Variants in PIGN observed in about 807,000 individuals in gnomAD.
PIGN encodes the protein phosphatidylinositol glycan anchor biosynthesis class N.
Under a neutral mutation model 125.4 loss-of-function variants are expected in PIGN, and 117 were observed. That is an observed-to-expected ratio of 0.93 (90% CI 0.80 to 1.09). The LOEUF (loss-of-function observed/expected upper bound fraction) is 1.09, where lower values mean the gene tolerates loss of function less well. PIGN is among the 50% of genes least tolerant of loss of function. The pLI is 0.00. For synonymous variants in PIGN, 392 were observed against 377.8 expected, an observed-to-expected ratio of 1.04 and a Z score of -0.44; for missense variants, 1,075 against 1,094.9, an observed-to-expected ratio of 0.98 and a Z score of 0.26.
In PIGN at chr18:62,120,242, A is replaced by G. The variant is rs186718014; in HGVS notation, c.1173-5603T>C. Among the ~76,000 whole-genome samples, 240 of 152,334 alleles carry G rather than the reference A, an allele frequency of 1.6e-3. 1 individual carries two copies. Among genetic ancestry groups the G allele is most frequent in the African/African-American group, 5.4e-3 (224 of 41,576 alleles). On this transcript the variant is annotated intron_variant, in intron 14 of 30. Transcript: ENST00000640252. Reference sequence around the variant, plus strand: ...GGGGAAGGGGACAAATTGCCTTCAAACAAATGACATTAAAACAGTTGGTCA... The same window carrying G: ...GGGGAAGGGGACAAATTGCCTTCAAGCAAATGACATTAAAACAGTTGGTCA...
chr18:62,070,774 T>C (rs2032798001), intron 30 of PIGN, among the ~76,000 whole-genome samples: 1 of 152,170 alleles, frequency 6.6e-6, no homozygotes, highest in Non-Finnish European at 1.5e-5. Context: ...TGACTTTTTG[T>C]TCAGATTATA....
intron 17 of PIGN, 56 bp downstream of exon 17, chr18:62,109,776 AAT>A: frequency 6.8e-7 from 1 of 1,465,200 alleles, no homozygotes; most frequent in Non-Finnish European, 9.3e-7. Flanking sequence ...CTGCATTTTA[AAT>A]ACAGATTTAA....
In PIGN at chr18:62,143,311, T is replaced by G; in HGVS notation, c.958A>C (p.Asn320His). Residue 320 changes from asparagine (N) to histidine (H), a missense_variant, in exon 11 of 31, where the codon AAT becomes CAT. Asn to His is a moderately conservative substitution (Grantham distance 68). Around this residue, in one of 3 missense-constraint regions of PIGN, gnomAD observed 915 missense variants for 908.7 expected, o/e 1.01. Coordinates refer to ENST00000640252, the MANE Select transcript of PIGN (RefSeq NM_176787.5). The stretch of plus-strand genomic sequence containing the variant: ...AATAAAATCGAACTGGATACCTGAT[T>G]GACATCTAGCCTCTTCCAATTCTCC... ...RLENWKRLDV[N>H]QADIAPLMTS... is the part of the protein sequence containing the mutation. The G allele has an allele frequency of 6.6e-7, 1 of 1,509,464 alleles. No homozygotes were observed. Among genetic ancestry groups the G allele is most frequent in the Non-Finnish European group, 9.1e-7 (1 of 1,098,446 alleles). 93.5% of individuals were successfully genotyped at this position (1,509,464 alleles called of 1,614,324 possible). A position where few individuals can be genotyped will look rare whatever the true frequency, so the allele number is the denominator to read the frequency against.
At chr18:62,152,305 T>A (rs2036566533) in intron 7 of PIGN, among the ~76,000 whole-genome samples, 1 of 151,958 alleles carries the variant, frequency 6.6e-6, no homozygotes, top group African/African-American at 2.4e-5. Flanking sequence ...TTTTTTTAAT[T>A]TTATTATTAT....
At chr18:62,148,613 T>A (rs1214419545) in intron 7 of PIGN, among the ~76,000 whole-genome samples, 2 of 152,150 alleles carry the variant, frequency 1.3e-5, no homozygotes, top group South Asian at 4.1e-4. Context: ...ATGTTGTTAA[T>A]CCCACATCTA....
chr18:62,152,076 T>C (rs1179965965), intron 7 of PIGN, among the ~76,000 whole-genome samples: 1 of 152,090 alleles, frequency 6.6e-6, no homozygotes, highest in African/African-American at 2.4e-5. Context: ...AAGGAATACA[T>C]TGGTTTGGTC....
intron 30 of PIGN, among the ~76,000 whole-genome samples, chr18:62,053,438 C>T (rs2031476244): frequency 6.6e-6 from 1 of 151,996 alleles, no homozygotes; most frequent in Non-Finnish European, 1.5e-5. Flanking sequence ...AGACTTAAGC[C>T]CTAACATATC....
intron 30 of PIGN, among the ~76,000 whole-genome samples, chr18:62,053,420 A>G (rs73964838): frequency 6.6e-6 from 1 of 152,364 alleles, no homozygotes; most frequent in African/African-American, 2.4e-5. Flanking sequence ...ACAAAAAAAT[A>G]AAATGGCAGA....
At chr18:62,066,824 A>G (rs527719615) in intron 30 of PIGN, among the ~76,000 whole-genome samples, 37 of 152,302 alleles carry the variant, frequency 2.4e-4, no homozygotes, top group African/African-American at 8.7e-4. Flanking sequence ...TTAACTAGGG[A>G]CATTCACTCC....
At chr18:62,185,233 C>T (rs546996272) in intron 1 of PIGN, among the ~76,000 whole-genome samples, 4 of 152,256 alleles carry the variant, frequency 2.6e-5, no homozygotes, top group Non-Finnish European at 5.9e-5. Flanking sequence ...AACTAAAATA[C>T]GGATCAGCAA....
At chr18:62,064,905 T>C (rs951238552) in intron 30 of PIGN, among the ~76,000 whole-genome samples, 9 of 124,822 alleles carry the variant, frequency 7.2e-5, no homozygotes, top group African/African-American at 2.5e-4. Context: ...TTAAAACAGC[T>C]GAACTTGACA....
Position 62,045,998 on chromosome 18 carries a change from A to T in PIGN, c.2673-19T>A. The T allele has an allele frequency of 6.2e-7, 1 of 1,608,508 alleles. No individual in the cohort carries two copies. The highest frequency in any genetic ancestry group is 1.1e-5 in the South Asian group (1 of 89,902). On this transcript the variant is annotated intron_variant, in intron 30 of 30. Coordinates refer to ENST00000640252, the MANE Select transcript of PIGN (RefSeq NM_176787.5). ...GCTGATGCTGCAAAAGGAGAAAAAG[A>T]TGTTACAGGCAGAGAGAACACAGGT... is the stretch of plus-strand genomic sequence containing the variant.
chr18:62,186,472 T>C (rs952015534), intron 1 of PIGN, among the ~76,000 whole-genome samples: 1 of 152,216 alleles, frequency 6.6e-6, no homozygotes, highest in Non-Finnish European at 1.5e-5. Flanking sequence ...TAAGCGTTTA[T>C]TGAGTACCTA....
intron 16 of PIGN, among the ~76,000 whole-genome samples, chr18:62,110,889 T>C (rs865796591): frequency 2.1e-3 from 310 of 146,640 alleles, no homozygotes; most frequent in Middle Eastern, 0.014. Flanking sequence ...GTATATATAT[T>C]ATATATATAT....
At chr18:62,036,358 G>C (rs2030261018), downstream of PIGN, among the ~76,000 whole-genome samples, 1 of 151,832 alleles carries the variant, frequency 6.6e-6, no homozygotes, top group Admixed American at 6.6e-5. Flanking sequence ...TCTTGCCTCA[G>C]CCTCCTGAGT....
chr18:62,178,146 C>A (rs2037591111), intron 1 of PIGN, among the ~76,000 whole-genome samples: 1 of 152,116 alleles, frequency 6.6e-6, no homozygotes, highest in Non-Finnish European at 1.5e-5. Context: ...ACAAGCAAGT[C>A]ACACCAGAAA....
chr18:62,102,909 T>C lies in PIGN; in HGVS notation c.1860-7A>G. On this transcript the variant is annotated splice_region_variant and splice_polypyrimidine_tract_variant and intron_variant, in intron 20 of 30. Transcript: ENST00000640252. ...CAGCAAGCCTGCACCCATCCTGTTT[T>C]GAAATACAATTAATTTTAAATTTTC... The C allele has an allele frequency of 1.4e-6, 2 of 1,468,416 alleles. No individual in the cohort carries two copies. Among genetic ancestry groups the C allele is most frequent in the African/African-American group, 1.4e-5 (1 of 69,940 alleles). The allele number at this position is 1,468,416 out of a possible 1,614,324, so 91.0% of individuals were successfully genotyped here.
chr18:62,060,172 T>C (rs1186589006), intron 30 of PIGN, among the ~76,000 whole-genome samples: 1 of 152,198 alleles, frequency 6.6e-6, no homozygotes, highest in African/African-American at 2.4e-5. Context: ...ATCAATCAAG[T>C]CTTGGTGTCA....
intron 14 of PIGN, among the ~76,000 whole-genome samples, chr18:62,124,951 A>T (rs1167803666): frequency 1.1e-5 from 1 of 88,740 alleles, no homozygotes; most frequent in Non-Finnish European, 2.8e-5. Context: ...AGTTAAATAC[A>T]AAAAAAGCAT....
Sources: gnomAD v4.1 joint callset for allele counts (sites outside exome capture counted in the v4.1 genomes callset) on GRCh38, gnomAD v4.1.1 for gene constraint, gnomAD v4.1.1 regional missense constraint, MANE v1.5 for transcripts, NCBI Gene and HGNC (gene_info 2026-07-23, HGNC 2026-07-21) for gene names.